Variants in SYNE2 observed in about 807,000 individuals in gnomAD.
SYNE2 encodes the protein nesprin-2.
A neutral mutation model predicts 856.3 loss-of-function variants in SYNE2; 431 were observed. The ratio of observed to expected loss-of-function variants is 0.50; its 90% CI spans 0.47 to 0.55. The LOEUF is 0.55. SYNE2 is among the 20% of genes least tolerant of loss of function. The probability of loss-of-function intolerance (pLI) is 0.00; values close to 1 mark genes in which losing one functional copy is unlikely to be tolerated. For synonymous variants in SYNE2, 2,923 were observed against 2,872.3 expected, an observed-to-expected ratio of 1.02 and a Z score of -0.56; for missense variants, 8,129 against 8,023.2, an observed-to-expected ratio of 1.01 and a Z score of -0.50.
At chr14:64,157,140 CAGTGATGTTT>C in intron 85 of SYNE2, among the ~76,000 whole-genome samples, 1 of 152,242 alleles carries the variant, frequency 6.6e-6, no homozygotes, top group East Asian at 1.9e-4. Flanking sequence ...AGGTATAGTT[CAGTGATGTTT>C]AGTATATTAA....
At chr14:64,155,848 AG>A (rs1162022536) in intron 85 of SYNE2, among the ~76,000 whole-genome samples, 2 of 152,254 alleles carry the variant, frequency 1.3e-5, no homozygotes, top group East Asian at 3.8e-4. Context: ...GGATTACTTG[AG>A]CCCAGGGGTA....
At chr14:64,129,158 T>C (rs999172284) in intron 74 of SYNE2, among the ~76,000 whole-genome samples, 2 of 152,096 alleles carry the variant, frequency 1.3e-5, no homozygotes, top group African/African-American at 2.4e-5. Context: ...AATACAAAAA[T>C]TAGCCAGGTG....
In SYNE2 at chr14:64,024,861, A is replaced by G. The variant is rs978803936; in HGVS notation, c.5841-51A>G. 3.7e-5 allele frequency: 60 copies of G among 1,606,830 alleles called. 1 individual carries two copies. The highest frequency in any genetic ancestry group is 8.9e-5 in the South Asian group (8 of 90,332). On this transcript the variant is annotated intron_variant, in intron 39 of 115. Coordinates refer to ENST00000555002, the MANE Select transcript of SYNE2 (RefSeq NM_182914.3). ...GGTTTGTGCCATCCTTTTCTTTGGT[A>G]TAAACACTTTTTGCTTATTTTGTAT...
intron 16 of SYNE2, among the ~76,000 whole-genome samples, chr14:63,982,199 C>T (rs2153474367): frequency 6.6e-6 from 1 of 152,242 alleles, no homozygotes; most frequent in Middle Eastern, 3.4e-3. Context: ...GGTCTAGGGA[C>T]TCTCCGAAAA....
Position 64,119,574 on chromosome 14 carries a change from C to T in SYNE2, c.12988C>T (p.Gln4330Ter), listed in dbSNP as rs1595653914. ...KTVKCNLEKV[Q>*]MMLQEKHSED... Reference sequence around the variant, plus strand: ...AGTGAAGTGCAATTTAGAAAAAGTCCAGATGATGCTTCAGGAGAAGCACAG... The same window carrying T: ...AGTGAAGTGCAATTTAGAAAAAGTCTAGATGATGCTTCAGGAGAAGCACAG... Residue 4330 changes from glutamine to a stop codon, truncating the protein, a stop_gained, in exon 67 of 116, where the codon CAG (glutamine) becomes TAG (stop). Transcript: ENST00000555002. LOFTEE classifies it high-confidence loss of function. The T allele has an allele frequency of 6.2e-7, 1 of 1,614,004 alleles. No homozygotes were observed. Among genetic ancestry groups the T allele is most frequent in the African/African-American group, 1.3e-5 (1 of 74,912 alleles).
rs1026439259 is a variant in SYNE2 at position 63,817,671 on chromosome 14, A to G, written c.-304-34830A>G. 7.9e-5 allele frequency among the ~76,000 whole-genome samples: 12 copies of G among 152,190 alleles called. No homozygotes were observed. The South Asian group carries it at 2.3e-3, about 29-fold the overall frequency. On this transcript the variant is annotated intron_variant, in intron 1 of 23. Coordinates refer to the SYNE2 transcript ENST00000674003. ...GACTAAAAAAGAAAAACTGTATGGTAATCTCTCAATACATGCAGAAAAAGC... is the reference window on the plus strand; with the variant it reads ...GACTAAAAAAGAAAAACTGTATGGTGATCTCTCAATACATGCAGAAAAAGC...
chr14:63,940,821 C>A, intron 3 of SYNE2, 146 bp downstream of exon 3: 1 of 729,058 alleles, frequency 1.4e-6, no homozygotes. Flanking sequence ...AAAGAATGTG[C>A]TAAAAGTTGT....
intron 8 of SYNE2, chr14:63,960,660 C>T: frequency 1.5e-6 from 1 of 665,046 alleles, no homozygotes; most frequent in Non-Finnish European, 2.8e-6. Flanking sequence ...GAAACACCTC[C>T]AAATTAGGTG....
chr14:64,001,198 A>G lies in SYNE2; in HGVS notation c.3638+479A>G, dbSNP rs79105624. Among the ~76,000 whole-genome samples, 596 of 152,338 alleles carry G rather than the reference A, an allele frequency of 3.9e-3. 19 individuals carry two copies. The East Asian group carries it at 0.08, about 20-fold the overall frequency. ...TCACACATTTCAATTTATTATCAGT[A>G]GTGCCTATTCTTTGGACCCCATTAT... On this transcript the variant is annotated intron_variant, in intron 28 of 115. Transcript: ENST00000555002.
chr14:64,214,409 CGTG>C lies in SYNE2; in HGVS notation c.19274_19276del (p.Val6425del). On this transcript the variant is annotated inframe_deletion, in exon 106 of 116. Transcript: ENST00000555002. ...CCCTGGAGTGGGACCACACAGGCGA[CGTG>C]GGGGGCTCCTCCTCTCACGAAGAGG... The C allele has an allele frequency of 6.2e-7, 1 of 1,614,070 alleles. No homozygotes were observed. The highest frequency in any genetic ancestry group is 1.1e-5 in the South Asian group (1 of 91,072).
At chr14:63,812,964 G>A (rs1888674615) in intron 1 of SYNE2, among the ~76,000 whole-genome samples, 2 of 152,268 alleles carry the variant, frequency 1.3e-5, no homozygotes, top group Middle Eastern at 3.4e-3. Context: ...GGCCCTACAG[G>A]TGAGTAAAAA....
rs377479974 is a variant in SYNE2 at position 64,212,733 on chromosome 14, T to C, written c.18862-78T>C. On this transcript the variant is annotated intron_variant, in intron 104 of 115. Transcript: ENST00000555002. The stretch of plus-strand genomic sequence containing the variant: ...ATAATGACATTTGGATGCTTTTCTA[T>C]GGCCCTGTTAGAAGAAACAGGCAGT... 1.2e-5 allele frequency: 16 copies of C among 1,326,068 alleles called. No homozygotes were observed. The African/African-American group carries it at 2.0e-4, about 17-fold the overall frequency. The allele number at this position is 1,326,068 out of a possible 1,614,324, so 82.1% of individuals were successfully genotyped here.
intron 6 of SYNE2, among the ~76,000 whole-genome samples, chr14:63,945,803 T>C (rs1470225601): frequency 6.6e-6 from 1 of 152,168 alleles, no homozygotes; most frequent in Non-Finnish European, 1.5e-5. Flanking sequence ...TCTGTATTTT[T>C]ACTAGAGATG....
In SYNE2 at chr14:63,997,155, A is replaced by G. The variant is rs766656832; in HGVS notation, c.3149A>G (p.Asn1050Ser). ...LQPTAGGTSK[N>S]EGTITTSENR... The stretch of plus-strand genomic sequence containing the variant: ...CCCACAGCGGGAGGCACGTCGAAAA[A>G]CGAGTTAGTACTTCATAAGAATAGC... Residue 1050 changes from asparagine to serine, a missense_variant, in exon 24 of 116, where the codon AAC becomes AGC. Asn to Ser is a conservative substitution (Grantham distance 46). This residue lies in a region of SYNE2 where 2,422 missense variants were observed against 2,357.4 expected (regional missense o/e 1.03). Transcript: ENST00000555002. 6.2e-7 allele frequency: 1 copy of G among 1,613,404 alleles called. No individual in the cohort carries two copies. Among genetic ancestry groups the G allele is most frequent in the African/African-American group, 1.3e-5 (1 of 74,916 alleles).
At position 64,022,735 on chromosome 14, in the gene SYNE2, T is replaced by C. The variant is rs764855424; in HGVS notation, c.5525-16T>C. 5.9e-6 allele frequency: 8 copies of C among 1,365,740 alleles called. No homozygotes were observed. Among genetic ancestry groups the C allele is most frequent in the Non-Finnish European group, 8.3e-6 (8 of 958,456 alleles). The allele number at this position is 1,365,740 out of a possible 1,614,324, so 84.6% of individuals were successfully genotyped here. A position where few individuals can be genotyped will look rare whatever the true frequency, so the allele number is the denominator to read the frequency against. ...GTCTTCCTTGAATGAATAGAGCTTT[T>C]TTTTTCCCCCTGCAGATCAATGCAA... On this transcript the variant is annotated splice_polypyrimidine_tract_variant and intron_variant, in intron 37 of 115. Coordinates refer to ENST00000555002, the MANE Select transcript of SYNE2 (RefSeq NM_182914.3).
At chr14:63,803,790 G>A (rs1050814956) in intron 1 of SYNE2, among the ~76,000 whole-genome samples, 5 of 152,212 alleles carry the variant, frequency 3.3e-5, no homozygotes, top group Admixed American at 3.3e-4. Context: ...GAGAGCGAGC[G>A]AGGACTGTGA....
chr14:64,164,628 T>G (rs1394932012), intron 89 of SYNE2, among the ~76,000 whole-genome samples: 1 of 152,154 alleles, frequency 6.6e-6, no homozygotes, highest in African/African-American at 2.4e-5. Context: ...CAGTATCACA[T>G]CTCAGTACCA....
intron 85 of SYNE2, among the ~76,000 whole-genome samples, chr14:64,155,357 AAAGGTCACAT>A (rs2098277335): frequency 6.6e-6 from 1 of 152,222 alleles, no homozygotes; most frequent in Non-Finnish European, 1.5e-5. Flanking sequence ...GCCAGTCACA[AAAGGTCACAT>A]ATTGTTTGAT....
At chr14:63,809,584 C>T (rs1270256908) in intron 1 of SYNE2, among the ~76,000 whole-genome samples, 1 of 152,182 alleles carries the variant, frequency 6.6e-6, no homozygotes, top group African/African-American at 2.4e-5. Flanking sequence ...GCTCCAGGCC[C>T]AGCACTCCAG....
Sources: gnomAD v4.1 joint callset for allele counts (sites outside exome capture counted in the v4.1 genomes callset) on GRCh38, gnomAD v4.1.1 for gene constraint, gnomAD v4.1.1 regional missense constraint, MANE v1.5 for transcripts, NCBI Gene and HGNC (gene_info 2026-07-23, HGNC 2026-07-21) for gene names.